Variants in TRIP11 observed in about 807,000 individuals in gnomAD.
TRIP11 encodes the protein thyroid receptor-interacting protein 11.
A neutral mutation model predicts 223.1 loss-of-function variants in TRIP11; 148 were observed. The ratio of observed to expected loss-of-function variants is 0.66; its 90% CI spans 0.58 to 0.76. TRIP11 has a LOEUF of 0.76. TRIP11 is among the 30% of genes least tolerant of loss of function. TRIP11 has a pLI of 0.00. For missense variants in TRIP11, 2,043 were observed against 2,222.0 expected, an observed-to-expected ratio of 0.92 and a Z score of 1.62; for synonymous variants, 762 against 772.6, an observed-to-expected ratio of 0.99 and a Z score of 0.23.
chr14:92,030,969 G>A (rs1421359805), intron 2 of TRIP11, among the ~76,000 whole-genome samples: 1 of 137,020 alleles, frequency 7.3e-6, no homozygotes, highest in African/African-American at 2.9e-5. Context: ...TCAAGAACCA[G>A]GCTGGGCATG....
intron 9 of TRIP11, among the ~76,000 whole-genome samples, chr14:92,010,350 G>A (rs1282987898): frequency 6.6e-6 from 1 of 152,128 alleles, no homozygotes; most frequent in African/African-American, 2.4e-5. Context: ...GACCAACATG[G>A]AGAAACCCCG....
Position 92,010,979 on chromosome 14 carries a change from C to T in TRIP11, c.1314+7G>A. 6.2e-7 allele frequency: 1 copy of T among 1,613,774 alleles called. No homozygotes were observed. The highest frequency in any genetic ancestry group is 1.1e-5 in the South Asian group (1 of 91,060). On this transcript the variant is annotated splice_region_variant and intron_variant, in intron 9 of 20. Transcript: ENST00000267622. ...TTTAATTCTGCCCCCATTTTTACAG[C>T]ACCCACCTTTTCTTGACTCAGTAAT...
intron 16 of TRIP11, among the ~76,000 whole-genome samples, chr14:91,985,025 G>A (rs1049059326): frequency 4.6e-5 from 7 of 152,134 alleles, no homozygotes; most frequent in African/African-American, 1.2e-4. Flanking sequence ...TTACTTTCCC[G>A]GGAAGAGGGA....
At chr14:91,985,336 C>A (rs2056592539) in intron 16 of TRIP11, among the ~76,000 whole-genome samples, 1 of 152,090 alleles carries the variant, frequency 6.6e-6, no homozygotes, top group African/African-American at 2.4e-5. Flanking sequence ...ATATTTAGTG[C>A]CTGATAAGCA....
intron 17 of TRIP11, 38 bp from the exon 18 acceptor site, chr14:91,975,324 A>T: frequency 7.4e-7 from 1 of 1,345,268 alleles, no homozygotes; most frequent in Non-Finnish European, 1.1e-6. Flanking sequence ...AAGTGAACTC[A>T]ACATTAAGTA....
chr14:91,996,105 A>T (rs2056747803), intron 13 of TRIP11, among the ~76,000 whole-genome samples: 1 of 152,158 alleles, frequency 6.6e-6, no homozygotes, highest in South Asian at 2.1e-4. Flanking sequence ...CATCTCCAGA[A>T]CTTTTCTCAC....
intron 2 of TRIP11, 64 bp from the exon 3 acceptor site, chr14:92,025,484 C>T: frequency 2.6e-6 from 3 of 1,173,144 alleles, no homozygotes; most frequent in Non-Finnish European, 3.7e-6. Flanking sequence ...GTTATGTGCA[C>T]AGCATTATGA....
chr14:92,021,886 C>A, intron 3 of TRIP11, 55 bp from the exon 4 acceptor site: 1 of 1,577,794 alleles, frequency 6.3e-7, no homozygotes. Flanking sequence ...ATCATATTGA[C>A]TTTTTATAGA....
chr14:91,972,961 A>G (rs2056417496), intron 19 of TRIP11, 100 bp from the exon 20 acceptor site: 4 of 1,029,538 alleles, frequency 3.9e-6, no homozygotes, highest in African/African-American at 1.7e-5. Flanking sequence ...ATTAAAAATT[A>G]ATCATGCCAC....
chr14:91,999,219 G>A, intron 13 of TRIP11, 21 bp downstream of exon 13: 1 of 1,609,966 alleles, frequency 6.2e-7, no homozygotes, highest in South Asian at 1.1e-5. Context: ...TAAAGTTAAT[G>A]CAAAAAAATG....
intron 2 of TRIP11, 86 bp from the exon 3 acceptor site, chr14:92,025,506 C>T (rs2057171316): frequency 2.4e-6 from 2 of 850,052 alleles, no homozygotes; most frequent in Non-Finnish European, 3.8e-6. Context: ...AAACGTACTG[C>T]TTTCCCCCCC....
intron 4 of TRIP11, among the ~76,000 whole-genome samples, chr14:92,020,560 C>A (rs1338442565): frequency 6.6e-6 from 1 of 151,884 alleles, no homozygotes; most frequent in Non-Finnish European, 1.5e-5. Context: ...AACATGGTGC[C>A]TCGGAGTCCT....
At chr14:92,024,900 A>G (rs1467216734) in intron 3 of TRIP11, among the ~76,000 whole-genome samples, 1 of 152,132 alleles carries the variant, frequency 6.6e-6, no homozygotes, top group African/African-American at 2.4e-5. Context: ...AAACTAAAAA[A>G]CCCAAAAACA....
At chr14:91,980,059 G>T (rs2056518059) in intron 16 of TRIP11, among the ~76,000 whole-genome samples, 1 of 151,912 alleles carries the variant, frequency 6.6e-6, no homozygotes, top group Admixed American at 6.6e-5. Flanking sequence ...TTTGGAGAAA[G>T]AGTTACTCTA....
rs151070062 is a variant in TRIP11 at position 92,020,562 on chromosome 14, C to T, written c.588+994G>A. Among the ~76,000 whole-genome samples, 600 of 151,864 alleles carry T rather than the reference C, an allele frequency of 4.0e-3. 6 individuals are homozygous for T. The highest frequency in any genetic ancestry group is 0.014 in the African/African-American group (563 of 41,394). ...GCAAGCGGTTTCAAACATGGTGCCT[C>T]GGAGTCCTGGTGTTTACACCAGAGG... is the stretch of plus-strand genomic sequence containing the variant. On this transcript the variant is annotated intron_variant, in intron 4 of 20. Transcript: ENST00000267622.
At chr14:91,998,744 T>G (rs774851966) in intron 13 of TRIP11, among the ~76,000 whole-genome samples, 3 of 150,794 alleles carry the variant, frequency 2.0e-5, no homozygotes, top group African/African-American at 7.3e-5. Flanking sequence ...AAATCTAAAA[T>G]ATATAAACAG....
chr14:92,038,740 A>G (rs1020598060), intron 1 of TRIP11, among the ~76,000 whole-genome samples: 1 of 152,248 alleles, frequency 6.6e-6, no homozygotes, highest in African/African-American at 2.4e-5. Flanking sequence ...TCCCTGGAGC[A>G]GACTTAGATT....
intron 1 of TRIP11, among the ~76,000 whole-genome samples, chr14:92,038,906 G>C (rs1255664713): frequency 1.3e-5 from 2 of 152,174 alleles, no homozygotes; most frequent in Non-Finnish European, 2.9e-5. Flanking sequence ...TCAAAAATGA[G>C]TGAAGATTGC....
intron 6 of TRIP11, among the ~76,000 whole-genome samples, chr14:92,015,127 C>T (rs967128251): frequency 2.6e-5 from 4 of 151,944 alleles, no homozygotes; most frequent in African/African-American, 9.7e-5. Context: ...TGGTCTCAAA[C>T]TCCTGGCCTC....
Sources: gnomAD v4.1 joint callset for allele counts (sites outside exome capture counted in the v4.1 genomes callset) on GRCh38, gnomAD v4.1.1 for gene constraint, MANE v1.5 for transcripts, NCBI Gene and HGNC (gene_info 2026-07-23, HGNC 2026-07-21) for gene names.